Variants in MTA3 observed in about 807,000 individuals in gnomAD.
MTA3 encodes the protein metastasis-associated protein MTA3.
MTA3 carries 34 observed loss-of-function variants against 83.5 expected under a neutral mutation model. That is an observed-to-expected ratio of 0.41 (90% CI 0.31 to 0.54). The LOEUF is 0.54. Among genes scored for constraint, MTA3 ranks in the 20% least tolerant of loss-of-function variants. The probability of loss-of-function intolerance (pLI) is 0.33; values close to 1 mark genes in which losing one functional copy is unlikely to be tolerated. For missense variants in MTA3, 761 were observed against 726.4 expected (o/e 1.05, Z -0.55); for synonymous variants, 303 against 252.7 (o/e 1.20, Z -1.89).
chr2:42,732,161 C>G (rs1229644416), intron 16 of MTA3, among the ~76,000 whole-genome samples: 23 of 152,230 alleles, frequency 1.5e-4, no homozygotes, highest in Admixed American at 1.5e-3. Flanking sequence ...TGTGGGGACT[C>G]TGGCCCCACA....
intron 2 of MTA3, among the ~76,000 whole-genome samples, chr2:42,542,467 T>A (rs900164762): frequency 3.3e-5 from 5 of 152,290 alleles, no homozygotes; most frequent in African/African-American, 1.2e-4. Flanking sequence ...AAGTTGACAC[T>A]CAATATTAAC....
chr2:42,545,896 C>G (rs1238215888), intron 2 of MTA3, among the ~76,000 whole-genome samples: 1 of 152,176 alleles, frequency 6.6e-6, no homozygotes, highest in Non-Finnish European at 1.5e-5. Flanking sequence ...GGCCTTCAGA[C>G]TGGAAATTCT....
intron 2 of MTA3, among the ~76,000 whole-genome samples, chr2:42,543,290 G>C (rs1676604681): frequency 6.6e-6 from 1 of 151,190 alleles, no homozygotes; most frequent in African/African-American, 2.4e-5. Flanking sequence ...CGATTCTCCT[G>C]CTTCAGCCTC....
At chr2:42,645,389 A>G (rs1230393828) in intron 6 of MTA3, among the ~76,000 whole-genome samples, 1 of 152,022 alleles carries the variant, frequency 6.6e-6, no homozygotes, top group Non-Finnish European at 1.5e-5. Flanking sequence ...GCCAAGTGTG[A>G]TGGTGTGTGC....
intron 16 of MTA3, among the ~76,000 whole-genome samples, chr2:42,741,716 C>T (rs1024843854): frequency 6.6e-6 from 1 of 151,980 alleles, no homozygotes; most frequent in Non-Finnish European, 1.5e-5. Context: ...AGAACACACA[C>T]ATTTATCTAT....
chr2:42,625,594 A>T (rs1379066030), intron 4 of MTA3, among the ~76,000 whole-genome samples: 1 of 150,416 alleles, frequency 6.6e-6, no homozygotes, highest in African/African-American at 2.5e-5. Flanking sequence ...AAAATACAAA[A>T]AAATTAGCTG....
intron 4 of MTA3, among the ~76,000 whole-genome samples, chr2:42,623,079 A>G (rs765881408): frequency 6.6e-6 from 1 of 152,212 alleles, no homozygotes; most frequent in Non-Finnish European, 1.5e-5. Flanking sequence ...AATGGTACCA[A>G]GTCAGTTGGG....
chr2:42,643,529 CTATATG>C (rs1687892528), intron 5 of MTA3, among the ~76,000 whole-genome samples: 2 of 152,030 alleles, frequency 1.3e-5, no homozygotes, highest in African/African-American at 2.4e-5. Flanking sequence ...GTATATCTGT[CTATATG>C]TATATATATG....
chr2:42,548,870 ATATATAAT>A (rs1676925008), intron 2 of MTA3, among the ~76,000 whole-genome samples: 1 of 16,544 alleles, frequency 6.0e-5, no homozygotes, highest in Non-Finnish European at 9.6e-5. Flanking sequence ...ATATATATAT[ATATATAAT>A]ATATATATAT....
chr2:42,755,269 C>T lies in MTA3; in HGVS notation c.*1870C>T. 1.0e-6 allele frequency: 1 copy of T among 985,496 alleles called. No homozygotes were observed. Among genetic ancestry groups the T allele is most frequent in the Non-Finnish European group, 1.2e-6 (1 of 829,970 alleles). 61.0% of individuals were successfully genotyped at this position (985,496 alleles called of 1,614,324 possible). Reference sequence around the variant, plus strand: ...CTCACCCTTTCACTTTCTCTCTGAACCCCTACTAAGTGGTGACTGCAGATT... The same window carrying T: ...CTCACCCTTTCACTTTCTCTCTGAATCCCTACTAAGTGGTGACTGCAGATT... On this transcript the variant is annotated 3_prime_UTR_variant, in exon 17 of 17. Transcript: ENST00000405094.
At chr2:42,685,655 G>A (rs1428009843) in intron 9 of MTA3, among the ~76,000 whole-genome samples, 1 of 152,152 alleles carries the variant, frequency 6.6e-6, no homozygotes, top group Non-Finnish European at 1.5e-5. Context: ...CCTGCAGACT[G>A]CCCCTTAGGT....
At position 42,704,316 on chromosome 2, in the gene MTA3, A is replaced by C. The variant is rs767485847; in HGVS notation, c.1148A>C (p.Tyr383Ser). The change falls in exon 12 of 17, where the codon TAT (tyrosine) becomes TCT (serine). Residue 383 changes from tyrosine (Y) to serine (S), a missense_variant and splice_region_variant. Transcript: ENST00000405094. ...PLLGRACESC[Y>S]ATQSHQWYSW... ...TTAGGGAGAGCCTGTGAGAGCTGCT[A>C]TGGTAAGTTTTCTCTAGCAGGTCAG... The C allele has an allele frequency of 6.2e-7, 1 of 1,613,662 alleles. No individual in the cohort carries two copies. Among genetic ancestry groups the C allele is most frequent in the African/African-American group, 1.3e-5 (1 of 75,028 alleles).
At chr2:42,581,321 G>A (rs778274605) in intron 3 of MTA3, among the ~76,000 whole-genome samples, 1 of 150,742 alleles carries the variant, frequency 6.6e-6, no homozygotes, top group Non-Finnish European at 1.5e-5. Context: ...CAAAGTGTTC[G>A]GATTACAGGT....
Position 42,525,762 on chromosome 2 carries a change from A to T in MTA3, c.-141+30508A>T, listed in dbSNP as rs575736387. On this transcript the variant is annotated intron_variant, in intron 2 of 17. Coordinates refer to the MTA3 transcript ENST00000405592. Reference sequence around the variant, plus strand: ...AACCTCTGCCTCCGAGGCTCAAATGATCCTCCCACCTCAGCCTCTCAAGAA... The same window carrying T: ...AACCTCTGCCTCCGAGGCTCAAATGTTCCTCCCACCTCAGCCTCTCAAGAA... Among the ~76,000 whole-genome samples the T allele has an allele frequency of 2.6e-5, 4 of 151,330 alleles. No homozygotes were observed. The South Asian group carries it at 8.3e-4, about 32-fold the overall frequency.
intron 8 of MTA3, among the ~76,000 whole-genome samples, chr2:42,678,996 T>C (rs1030016735): frequency 6.6e-6 from 1 of 152,170 alleles, no homozygotes; most frequent in Non-Finnish European, 1.5e-5. Flanking sequence ...GTAGGCAGCA[T>C]GGATATTCTT....
chr2:42,557,876 G>A (rs979487796), intron 2 of MTA3, among the ~76,000 whole-genome samples: 1 of 152,098 alleles, frequency 6.6e-6, no homozygotes, highest in African/African-American at 2.4e-5. Flanking sequence ...GGATGTGGGG[G>A]GTTCATGAGT....
chr2:42,657,763 T>TAAA (rs60686385), intron 7 of MTA3, among the ~76,000 whole-genome samples: 2 of 127,532 alleles, frequency 1.6e-5, no homozygotes, highest in Admixed American at 8.0e-5. Flanking sequence ...CCTCATCTCT[T>TAAA]AAAAAAAAAA....
intron 6 of MTA3, among the ~76,000 whole-genome samples, chr2:42,649,813 G>A (rs1688543306): frequency 6.6e-6 from 1 of 152,140 alleles, no homozygotes; most frequent in Admixed American, 6.5e-5. Flanking sequence ...ATTACATTCT[G>A]CATTCGATTT....
intron 2 of MTA3, among the ~76,000 whole-genome samples, chr2:42,539,429 A>C (rs1676421255): frequency 1.3e-5 from 2 of 152,050 alleles, no homozygotes. Flanking sequence ...GTGAGAACTT[A>C]CTATCACGAG....
Sources: allele counts gnomAD v4.1 joint callset (sites outside exome capture counted in the v4.1 genomes callset), GRCh38; gene constraint gnomAD v4.1.1; transcripts MANE v1.5; gene names NCBI Gene and HGNC (gene_info 2026-07-23, HGNC 2026-07-21).